TLL2: variants seen among roughly 807,000 people sequenced by gnomAD.
The protein encoded by TLL2 is tolloid-like protein 2.
In TLL2, 106 loss-of-function variants were observed where a neutral mutation model predicts 123.0. That is an observed-to-expected ratio of 0.86 (90% CI 0.74 to 1.01). The LOEUF is 1.01. TLL2 is among the 50% of genes least tolerant of loss of function. TLL2 has a pLI of 0.00. For synonymous variants in TLL2, 494 were observed against 516.8 expected (o/e 0.96, Z 0.60); for missense variants, 1,332 against 1,336.7 (o/e 1.00, Z 0.06).
At chr10:96,486,299 G>A (rs1847356109) in intron 1 of TLL2, among the ~76,000 whole-genome samples, 1 of 152,162 alleles carries the variant, frequency 6.6e-6, no homozygotes, top group Non-Finnish European at 1.5e-5. Context: ...CAAGAAAAAT[G>A]TTCATCCTGG....
chr10:96,443,738 T>G (rs576583925), intron 3 of TLL2, among the ~76,000 whole-genome samples: 25 of 152,326 alleles, frequency 1.6e-4, no homozygotes, highest in African/African-American at 6.0e-4. Flanking sequence ...CATGCTCCAT[T>G]TTTACCACTA....
intron 7 of TLL2, 64 bp downstream of exon 7, chr10:96,420,892 A>T (rs1846613239): frequency 6.8e-7 from 1 of 1,477,004 alleles, no homozygotes; most frequent in Non-Finnish European, 9.5e-7. Context: ...GACCTCCAGG[A>T]ATCCAACCCA....
intron 2 of TLL2, among the ~76,000 whole-genome samples, chr10:96,479,149 G>C (rs939811326): frequency 2.0e-5 from 3 of 152,186 alleles, no homozygotes; most frequent in Admixed American, 6.5e-5. Flanking sequence ...CATTTAAAAT[G>C]TGAATAGAAT....
At chr10:96,453,146 A>G (rs1276584268) in intron 2 of TLL2, among the ~76,000 whole-genome samples, 2 of 152,166 alleles carry the variant, frequency 1.3e-5, no homozygotes, top group African/African-American at 4.8e-5. Context: ...TCACAGGACT[A>G]ATCAAAATCT....
At chr10:96,413,058 C>A (rs2134071312) in intron 8 of TLL2, 134 bp downstream of exon 8, 2 of 1,311,974 alleles carry the variant, frequency 1.5e-6, no homozygotes, top group East Asian at 5.0e-5. Flanking sequence ...CTAGCACCTC[C>A]TACCAGAAGG....
chr10:96,429,998 G>A (rs1846721209), intron 4 of TLL2, among the ~76,000 whole-genome samples: 1 of 152,216 alleles, frequency 6.6e-6, no homozygotes, highest in Non-Finnish European at 1.5e-5. Context: ...TGTCTGGGAA[G>A]TATGAAGGAT....
intron 2 of TLL2, among the ~76,000 whole-genome samples, chr10:96,470,923 C>G (rs1847175049): frequency 6.6e-6 from 1 of 152,226 alleles, no homozygotes; most frequent in Admixed American, 6.5e-5. Flanking sequence ...GAGGAACCAG[C>G]ATTGAATCCA....
At chr10:96,405,069 A>G (rs1398763112) in intron 10 of TLL2, among the ~76,000 whole-genome samples, 163 bp downstream of exon 10, 1 of 152,244 alleles carries the variant, frequency 6.6e-6, no homozygotes. Flanking sequence ...CAGTTTTAAA[A>G]GCTTTTAACA....
intron 3 of TLL2, among the ~76,000 whole-genome samples, chr10:96,444,961 G>A (rs978885999): frequency 2.6e-5 from 4 of 152,232 alleles, no homozygotes; most frequent in Middle Eastern, 3.4e-3. Flanking sequence ...AGGCCGAGGC[G>A]GGCAGATCAC....
In TLL2 at chr10:96,445,760, G is replaced by A. The variant is rs551647143; in HGVS notation, c.364+331C>T. 1.6e-4 allele frequency among the ~76,000 whole-genome samples: 24 copies of A among 152,150 alleles called. No homozygotes were observed. In the South Asian group the frequency reaches 2.9e-3, roughly 18 times the overall value. The stretch of plus-strand genomic sequence containing the variant: ...CAAATGCCGCCCTTCCATCCCTTTC[G>A]CCAGCAGCACGCCAGCCCCGCTCAC... On this transcript the variant is annotated intron_variant, in intron 3 of 20. Transcript: ENST00000357947.
intron 1 of TLL2, among the ~76,000 whole-genome samples, chr10:96,491,866 G>T (rs1434025085): frequency 6.6e-6 from 1 of 152,254 alleles, no homozygotes; most frequent in East Asian, 1.9e-4. Flanking sequence ...GTCGCAAGGA[G>T]GTAACAGCCA....
intron 14 of TLL2, 42 bp from the exon 15 acceptor site, chr10:96,386,257 TC>T: frequency 6.7e-7 from 1 of 1,494,080 alleles, no homozygotes; most frequent in Non-Finnish European, 8.9e-7. Context: ...TGGCTTTGGC[TC>T]CAGGTGACTG....
chr10:96,473,241 G>A (rs908197795), intron 2 of TLL2, among the ~76,000 whole-genome samples: 1 of 152,096 alleles, frequency 6.6e-6, no homozygotes. Flanking sequence ...AATCACTTGA[G>A]ATCAGGAGTT....
chr10:96,431,583 G>A (rs995025090), intron 4 of TLL2, among the ~76,000 whole-genome samples: 1 of 152,202 alleles, frequency 6.6e-6, no homozygotes, highest in Non-Finnish European at 1.5e-5. Flanking sequence ...CAGGTACGCA[G>A]TGGGCATATT....
intron 20 of TLL2, among the ~76,000 whole-genome samples, chr10:96,368,479 G>A (rs1465293117): frequency 6.6e-6 from 1 of 152,218 alleles, no homozygotes; most frequent in African/African-American, 2.4e-5. Flanking sequence ...AAGTATGCAG[G>A]TGGGTCAGGT....
chr10:96,476,241 T>TACATATATATATATATATATTC lies in TLL2; in HGVS notation c.286+4107_286+4108insGAATATATATATATATATATGT, dbSNP rs1554939631. 2.7e-3 allele frequency among the ~76,000 whole-genome samples: 194 copies of TACATATATATATATATATATTC among 72,318 alleles called. 27 individuals are homozygous for TACATATATATATATATATATTC. In the East Asian group the frequency reaches 0.087, roughly 32 times the overall value. 47.4% of individuals were successfully genotyped at this position (72,318 alleles called of 152,430 possible). A position where few individuals can be genotyped will look rare whatever the true frequency, so the allele number is the denominator to read the frequency against. On this transcript the variant is annotated intron_variant, in intron 2 of 20. Coordinates refer to ENST00000357947, the MANE Select transcript of TLL2 (RefSeq NM_012465.4). ...TTATATGTATATATATATATATATA[T>TACATATATATATATATATATTC]TTTATTTTTGTTGTTGTTGTTGTTG...
In TLL2 at chr10:96,368,859, A is replaced by G. The variant is rs554733779; in HGVS notation, c.2914-637T>C. ...AGTGGAGCCAAAGTGGGCTTCCCCC[A>G]CAGTTAACTGCTCAGTTAACCCCTC... On this transcript the variant is annotated intron_variant, in intron 20 of 20. Transcript: ENST00000357947. 2.6e-5 allele frequency among the ~76,000 whole-genome samples: 4 copies of G among 152,346 alleles called. No individual in the cohort carries two copies. In the South Asian group the frequency reaches 6.2e-4, roughly 24 times the overall value.
At chr10:96,477,657 C>G (rs1847272817) in intron 2 of TLL2, among the ~76,000 whole-genome samples, 1 of 152,254 alleles carries the variant, frequency 6.6e-6, no homozygotes, top group Non-Finnish European at 1.5e-5. Context: ...TCTTTCTTTT[C>G]ATCCTCGCAG....
chr10:96,485,230 C>T (rs986652514), intron 1 of TLL2, among the ~76,000 whole-genome samples: 14 of 151,820 alleles, frequency 9.2e-5, no homozygotes, highest in Non-Finnish European at 1.6e-4. Context: ...TTGGCAATGG[C>T]GTAGATATAA....
Sources: gnomAD v4.1 joint callset for allele counts (sites outside exome capture counted in the v4.1 genomes callset) on GRCh38, gnomAD v4.1.1 for gene constraint, MANE v1.5 for transcripts, NCBI Gene and HGNC (gene_info 2026-07-23, HGNC 2026-07-21) for gene names.